STT3B: variants seen among roughly 807,000 people sequenced by gnomAD.
STT3B encodes the protein STT3 oligosaccharyltransferase complex catalytic subunit B, also known as dolichyl-diphosphooligosaccharide--protein glycosyltransferase subunit STT3B.
In STT3B, 29 loss-of-function variants were observed where a neutral mutation model predicts 96.8. That is an observed-to-expected ratio of 0.30 (90% CI 0.22 to 0.41). The LOEUF (loss-of-function observed/expected upper bound fraction) is 0.41, where lower values mean the gene tolerates loss of function less well. Among genes scored for constraint, STT3B ranks in the 10% least tolerant of loss-of-function variants. The probability of loss-of-function intolerance (pLI) is 1.00; values close to 1 mark genes in which losing one functional copy is unlikely to be tolerated. For synonymous variants in STT3B, 367 were observed against 360.0 expected, an observed-to-expected ratio of 1.02 and a Z score of -0.22; for missense variants, 640 against 1,022.3, an observed-to-expected ratio of 0.63 and a Z score of 5.10.
At chr3:31,570,702 A>T (rs1698115040) in intron 1 of STT3B, among the ~76,000 whole-genome samples, 1 of 152,182 alleles carries the variant, frequency 6.6e-6, no homozygotes, top group African/African-American at 2.4e-5. Flanking sequence ...GAACTAATGC[A>T]ATAGGGAAGA....
At position 31,627,783 on chromosome 3, in the gene STT3B, A is replaced by G. The variant is rs1007986046; in HGVS notation, c.2074-1515A>G. ...GGATTTGCTTTAGCAGTCAGTGTTA[A>G]AACTGTGACATGTGATAGATCACTG... On this transcript the variant is annotated intron_variant, in intron 13 of 15. Transcript: ENST00000295770. Among the ~76,000 whole-genome samples, 5 of 152,296 alleles carry G rather than the reference A, an allele frequency of 3.3e-5. No individual in the cohort carries two copies. In the South Asian group the frequency reaches 1.0e-3, roughly 32 times the overall value.
chr3:31,549,719 A>G (rs1317857577), intron 1 of STT3B, among the ~76,000 whole-genome samples: 3 of 152,172 alleles, frequency 2.0e-5, no homozygotes, highest in Non-Finnish European at 4.4e-5. Flanking sequence ...ATCTAGTAAC[A>G]ATAAAGAAAT....
At chr3:31,564,027 G>A (rs1440595281) in intron 1 of STT3B, among the ~76,000 whole-genome samples, 1 of 152,150 alleles carries the variant, frequency 6.6e-6, no homozygotes, top group Non-Finnish European at 1.5e-5. Context: ...GCCAGAACAT[G>A]AACCGGGACC....
chr3:31,550,225 GT>G (rs1697517693), intron 1 of STT3B, among the ~76,000 whole-genome samples: 1 of 152,206 alleles, frequency 6.6e-6, no homozygotes, highest in African/African-American at 2.4e-5. Context: ...GTGTTTAAAA[GT>G]TTTGCCCTGT....
At chr3:31,555,666 CTTTGT>C (rs1419063490) in intron 1 of STT3B, among the ~76,000 whole-genome samples, 4 of 151,946 alleles carry the variant, frequency 2.6e-5, no homozygotes, top group Admixed American at 6.6e-5. Flanking sequence ...TTTACATTAT[CTTTGT>C]TTTATTATGT....
At chr3:31,543,686 T>C (rs942645581) in intron 1 of STT3B, among the ~76,000 whole-genome samples, 5 of 151,944 alleles carry the variant, frequency 3.3e-5, no homozygotes, top group Non-Finnish European at 7.4e-5. Context: ...AAGGGAAGAG[T>C]TGATGAAGAA....
chr3:31,629,272 T>G, intron 13 of STT3B, 26 bp from the exon 14 acceptor site: 1 of 1,288,740 alleles, frequency 7.8e-7, no homozygotes, highest in Non-Finnish European at 1.1e-6. Context: ...TGAACTAACA[T>G]AGAACTTGTG....
At chr3:31,629,801 A>G (rs997894456) in intron 14 of STT3B, among the ~76,000 whole-genome samples, 1 of 152,206 alleles carries the variant, frequency 6.6e-6, no homozygotes, top group Admixed American at 6.5e-5. Context: ...CGAAGTAAAT[A>G]GTCACTTCAG....
intron 10 of STT3B, among the ~76,000 whole-genome samples, chr3:31,623,202 T>G (rs186066032): frequency 6.6e-6 from 1 of 152,336 alleles, no homozygotes; most frequent in African/African-American, 2.4e-5. Flanking sequence ...TTAACAAGTC[T>G]GTTGGTTTTA....
chr3:31,623,468 T>G (rs1699470041), intron 10 of STT3B, among the ~76,000 whole-genome samples: 1 of 152,214 alleles, frequency 6.6e-6, no homozygotes, highest in South Asian at 2.1e-4. Context: ...GACCAGTTTC[T>G]GGATTGGTAT....
chr3:31,572,308 C>T (rs568826170), intron 1 of STT3B, among the ~76,000 whole-genome samples: 82 of 149,590 alleles, frequency 5.5e-4, no homozygotes, highest in African/African-American at 1.8e-3. Context: ...AAACAAACTT[C>T]TGTATTATTT....
intron 1 of STT3B, among the ~76,000 whole-genome samples, chr3:31,573,995 T>C (rs1033137307): frequency 2.6e-5 from 4 of 152,110 alleles, no homozygotes; most frequent in Admixed American, 1.3e-4. Flanking sequence ...CCAAGAATTA[T>C]ATAAAATGGA....
In STT3B at chr3:31,533,132, C is replaced by T; in HGVS notation, c.134C>T (p.Ala45Val). Reference sequence around the variant, plus strand: ...GGGGCCCAGTGCGCGCACAAGGCGGCGGGCGGCGCGGCGCCGCCGAAGCCG... The same window carrying T: ...GGGGCCCAGTGCGCGCACAAGGCGGTGGGCGGCGCGGCGCCGCCGAAGCCG... ...GPGAQCAHKAAGGAAPPKPAP... is the reference protein window; with the variant it reads ...GPGAQCAHKAVGGAAPPKPAP... Residue 45 changes from alanine to valine, a missense_variant, in exon 1 of 16, where the codon GCG becomes GTG. Transcript: ENST00000295770. 3.1e-6 allele frequency: 4 copies of T among 1,303,944 alleles called. No individual in the cohort carries two copies. The highest frequency in any genetic ancestry group is 5.3e-5 in the South Asian group (2 of 37,466). The allele number at this position is 1,303,944 out of a possible 1,614,324, so 80.8% of individuals were successfully genotyped here.
At chr3:31,550,444 A>G (rs2125439685) in intron 1 of STT3B, among the ~76,000 whole-genome samples, 1 of 152,332 alleles carries the variant, frequency 6.6e-6, no homozygotes, top group East Asian at 1.9e-4. Context: ...CAGTTGCAAG[A>G]GCAGAGAGAG....
At position 31,532,946 on chromosome 3, in the gene STT3B, C is replaced by T; in HGVS notation, c.-53C>T. The T allele has an allele frequency of 1.3e-6, 2 of 1,545,702 alleles. No homozygotes were observed. Among genetic ancestry groups the T allele is most frequent in the Non-Finnish European group, 1.7e-6 (2 of 1,149,294 alleles). ...CCGGGTCCCCGCCCAGCACCCCTCGCACCAGGCGGCGGCGGCGGAGGAGGA... is the reference window on the plus strand; with the variant it reads ...CCGGGTCCCCGCCCAGCACCCCTCGTACCAGGCGGCGGCGGCGGAGGAGGA... On this transcript the variant is annotated 5_prime_UTR_variant, in exon 1 of 16. Coordinates refer to ENST00000295770, the MANE Select transcript of STT3B (RefSeq NM_178862.3).
At chr3:31,571,173 G>T (rs1698127224) in intron 1 of STT3B, among the ~76,000 whole-genome samples, 1 of 152,042 alleles carries the variant, frequency 6.6e-6, no homozygotes, top group East Asian at 1.9e-4. Flanking sequence ...CTAATCCTGT[G>T]TAGACTGCAC....
In STT3B at chr3:31,619,810, T is replaced by C. The variant is rs201775500; in HGVS notation, c.1307T>C (p.Ile436Thr). The change falls in exon 9 of 16, where the codon ATC becomes ACC. Residue 436 changes from isoleucine (I) to threonine (T), a missense_variant. Ile to Thr is a moderately conservative substitution (Grantham distance 89). Around this residue, in one of 8 missense-constraint regions of STT3B, gnomAD observed 33 missense variants for 43.1 expected, o/e 0.77. Transcript: ENST00000295770. ...GGCCTTTGGTTCTGCATCAAAAATA[T>C]CAACGATGAAAGAGTATTTGGTAAG... The part of the protein sequence containing the change: ...PAGLWFCIKN[I>T]NDERVFVALY... 5.0e-5 allele frequency: 81 copies of C among 1,611,846 alleles called. No homozygotes were observed. Among genetic ancestry groups the C allele is most frequent in the Non-Finnish European group, 6.4e-5 (76 of 1,179,500 alleles).
intron 5 of STT3B, among the ~76,000 whole-genome samples, chr3:31,606,681 C>G (rs1272088054): frequency 6.6e-6 from 1 of 152,132 alleles, no homozygotes; most frequent in Middle Eastern, 3.2e-3. Context: ...TCAAAGAGAA[C>G]CTTTGCTAGG....
chr3:31,628,204 T>C (rs1006482003), intron 13 of STT3B, among the ~76,000 whole-genome samples: 3 of 130,166 alleles, frequency 2.3e-5, no homozygotes, highest in Non-Finnish European at 4.6e-5. Context: ...CACAAATTTA[T>C]GTGTCAGTTA....
Sources: allele counts gnomAD v4.1 joint callset (sites outside exome capture counted in the v4.1 genomes callset), GRCh38; gene constraint gnomAD v4.1.1; regional missense constraint gnomAD v4.1.1; transcripts MANE v1.5; gene names NCBI Gene and HGNC (gene_info 2026-07-23, HGNC 2026-07-21).